Variants in PLD5 observed in about 807,000 individuals in gnomAD.
PLD5 encodes inactive phospholipase D5.
PLD5 carries 36 observed loss-of-function variants against 61.1 expected under a neutral mutation model. The observed-to-expected ratio is 0.59, with a 90% confidence interval of 0.45 to 0.78. The LOEUF (loss-of-function observed/expected upper bound fraction) is 0.78, where lower values mean the gene tolerates loss of function less well. Ranked by LOEUF, PLD5 falls within the 30% of genes least tolerant of loss-of-function variation. The pLI is 0.00. For synonymous variants in PLD5, 243 were observed against 242.8 expected (o/e 1.00, Z -0.01); for missense variants, 515 against 644.4 (o/e 0.80, Z 2.17).
rs141021191 is a variant in PLD5 at position 242,342,706 on chromosome 1, A to G, written c.326+5400T>C. Among the ~76,000 whole-genome samples, 30 of 151,904 alleles carry G rather than the reference A, an allele frequency of 2.0e-4. No individual in the cohort carries two copies. The East Asian group carries it at 4.9e-3, about 25-fold the overall frequency. On this transcript the variant is annotated intron_variant, in intron 2 of 9. Transcript: ENST00000536534. ...AAGGACCAAATAAATCATTTAAAAC[A>G]TATTGGGAAATGGTGGAAGTGCCCA...
chr1:242,338,415 T>C (rs1482916769), intron 2 of PLD5, among the ~76,000 whole-genome samples: 1 of 152,026 alleles, frequency 6.6e-6, no homozygotes, highest in African/African-American at 2.4e-5. Flanking sequence ...TCAACACTAC[T>C]CATGATTATC....
chr1:242,386,114 C>T (rs753867805), intron 1 of PLD5, among the ~76,000 whole-genome samples: 3 of 152,060 alleles, frequency 2.0e-5, no homozygotes, highest in Non-Finnish European at 2.9e-5. Flanking sequence ...TCTCTGTGTC[C>T]AAGTTTCCCT....
intron 5 of PLD5, among the ~76,000 whole-genome samples, chr1:242,163,757 TGGAAAA>T (rs113241642): frequency 0.012 from 1,765 of 151,854 alleles, 41 homozygotes; most frequent in East Asian, 0.06. Context: ...TGAAAGGAGA[TGGAAAA>T]GGAAATGGAA....
At chr1:242,511,290 GA>G (rs2103001045) in intron 1 of PLD5, among the ~76,000 whole-genome samples, 1 of 152,290 alleles carries the variant, frequency 6.6e-6, no homozygotes, top group South Asian at 2.1e-4. Context: ...AGGGAAAATA[GA>G]CTAATCTTCC....
chr1:242,471,085 G>A (rs1667436762), intron 1 of PLD5, among the ~76,000 whole-genome samples: 1 of 152,134 alleles, frequency 6.6e-6, no homozygotes, highest in South Asian at 2.1e-4. Flanking sequence ...GGGCTCCCTG[G>A]TGGAGCTGGC....
At chr1:242,240,875 G>A (rs1468655177) in intron 4 of PLD5, among the ~76,000 whole-genome samples, 3 of 152,026 alleles carry the variant, frequency 2.0e-5, no homozygotes, top group African/African-American at 7.2e-5. Flanking sequence ...AGCACCTCAT[G>A]GACTCTATAA....
intron 5 of PLD5, among the ~76,000 whole-genome samples, chr1:242,159,972 C>T (rs949817542): frequency 6.6e-6 from 1 of 151,960 alleles, no homozygotes; most frequent in African/African-American, 2.4e-5. Context: ...TTGCTTTTAG[C>T]AATTCATTAA....
chr1:242,222,077 G>A (rs1276313638), intron 4 of PLD5, among the ~76,000 whole-genome samples: 1 of 151,928 alleles, frequency 6.6e-6, no homozygotes, highest in Non-Finnish European at 1.5e-5. Flanking sequence ...TTCTCGGCTT[G>A]TAACTGCAGC....
chr1:242,291,794 G>A (rs1191849185), intron 2 of PLD5, among the ~76,000 whole-genome samples: 9 of 152,068 alleles, frequency 5.9e-5, no homozygotes, highest in Admixed American at 2.0e-4. Flanking sequence ...GTGACAGAGC[G>A]AGACTCTGTC....
chr1:242,394,192 GAGTATATATA>G lies in PLD5; in HGVS notation c.190-45960_190-45951del, dbSNP rs1281656400. On this transcript the variant is annotated intron_variant, in intron 1 of 9. Coordinates refer to ENST00000536534, the MANE Select transcript of PLD5 (RefSeq NM_001372062.1). ...TATATGTGTATATATGAGTATATAT[GAGTATATATA>G]TGTGTATATGAGTATATATATGTGT... Among the ~76,000 whole-genome samples, 179 of 65,040 alleles carry G rather than the reference GAGTATATATA, an allele frequency of 2.8e-3. 21 individuals are homozygous for G. Among genetic ancestry groups the G allele is most frequent in the African/African-American group, 3.2e-3 (49 of 15,478 alleles). 42.7% of individuals were successfully genotyped at this position (65,040 alleles called of 152,430 possible).
At chr1:242,121,138 T>G (rs1662331138) in intron 6 of PLD5, among the ~76,000 whole-genome samples, 1 of 152,208 alleles carries the variant, frequency 6.6e-6, no homozygotes, top group South Asian at 2.1e-4. Context: ...CATATATTAC[T>G]GAGAAAACTG....
intron 1 of PLD5, among the ~76,000 whole-genome samples, chr1:242,447,428 A>T (rs1421399450): frequency 6.6e-6 from 1 of 152,236 alleles, no homozygotes; most frequent in African/African-American, 2.4e-5. Context: ...GATTTAATGA[A>T]AATCCAATCT....
chr1:242,100,886 A>G (rs935813808), intron 8 of PLD5, 104 bp from the exon 9 acceptor site: 8 of 732,522 alleles, frequency 1.1e-5, no homozygotes, highest in African/African-American at 1.1e-4. Flanking sequence ...ATAGACCTCA[A>G]GTTGGGTTAT....
intron 1 of PLD5, among the ~76,000 whole-genome samples, chr1:242,400,188 G>GAA (rs113690368): frequency 1.5e-5 from 2 of 137,366 alleles, no homozygotes; most frequent in Non-Finnish European, 3.1e-5. Flanking sequence ...CAAAAGAAAA[G>GAA]AAAAAAAAAA....
rs529872643 is a variant in PLD5 at position 242,239,280 on chromosome 1, C to T, written c.608-19165G>A. On this transcript the variant is annotated intron_variant, in intron 4 of 9. Transcript: ENST00000536534. ...CTTTGTCCCATAGTCTCTGCATGTG[C>T]TCAGGAAGAAACACAGTCCTTGTTG... is the stretch of plus-strand genomic sequence containing the variant. 2.0e-4 allele frequency among the ~76,000 whole-genome samples: 29 copies of T among 147,182 alleles called. No individual in the cohort carries two copies. In the South Asian group the frequency reaches 5.2e-3, roughly 26 times the overall value.
intron 4 of PLD5, among the ~76,000 whole-genome samples, chr1:242,238,744 G>A (rs922279321): frequency 3.9e-5 from 6 of 152,206 alleles, no homozygotes; most frequent in Non-Finnish European, 7.3e-5. Context: ...ATGAGCAAGT[G>A]TAGAAGTTCA....
At chr1:242,477,542 G>A (rs892373454) in intron 1 of PLD5, among the ~76,000 whole-genome samples, 1 of 152,166 alleles carries the variant, frequency 6.6e-6, no homozygotes, top group Non-Finnish European at 1.5e-5. Flanking sequence ...AGCTATACCC[G>A]CAGTTGAGGC....
chr1:242,443,051 A>G (rs1055656661), intron 1 of PLD5, among the ~76,000 whole-genome samples: 4 of 152,228 alleles, frequency 2.6e-5, no homozygotes, highest in Non-Finnish European at 4.4e-5. Context: ...CAAGCTATAC[A>G]TTCTATGAAC....
intron 9 of PLD5, among the ~76,000 whole-genome samples, chr1:242,094,664 G>A (rs1660086885): frequency 6.6e-6 from 1 of 152,064 alleles, no homozygotes; most frequent in Non-Finnish European, 1.5e-5. Context: ...ATTTAAAAAT[G>A]TATTATAGAG....
Sources: gnomAD v4.1 joint callset for allele counts (sites outside exome capture counted in the v4.1 genomes callset) on GRCh38, gnomAD v4.1.1 for gene constraint, MANE v1.5 for transcripts, NCBI Gene and HGNC (gene_info 2026-07-23, HGNC 2026-07-21) for gene names.